RAPGEF1: variants seen among roughly 807,000 people sequenced by gnomAD.
RAPGEF1 encodes the protein Rap guanine nucleotide exchange factor 1, also known as CRK SH3-binding GNRP.
In RAPGEF1, 33 loss-of-function variants were observed where a neutral mutation model predicts 143.3. That is an observed-to-expected ratio of 0.23 (90% CI 0.17 to 0.31). The LOEUF is 0.31. Among genes scored for constraint, RAPGEF1 ranks in the 10% least tolerant of loss-of-function variants. The pLI, the probability that RAPGEF1 is intolerant of heterozygous loss-of-function variation, is 1.00. For synonymous variants in RAPGEF1, 629 were observed against 676.5 expected, an observed-to-expected ratio of 0.93 and a Z score of 1.09; for missense variants, 1,199 against 1,645.4, an observed-to-expected ratio of 0.73 and a Z score of 4.69.
Position 131,604,009 on chromosome 9 carries a change from A to AT in RAPGEF1, c.2363dup (p.Asn788LysfsTer46). 7.5e-7 allele frequency: 1 copy of AT among 1,341,848 alleles called. No homozygotes were observed. The highest frequency in any genetic ancestry group is 9.9e-7 in the Non-Finnish European group (1 of 1,008,146). 83.1% of individuals were successfully genotyped at this position (1,341,848 alleles called of 1,614,324 possible). A position where few individuals can be genotyped will look rare whatever the true frequency, so the allele number is the denominator to read the frequency against. On this transcript the variant is annotated frameshift_variant, in exon 14 of 27. Coordinates refer to ENST00000683357, the MANE Select transcript of RAPGEF1 (RefSeq NM_001377935.1). LOFTEE classifies it high-confidence loss of function. ...CGCTGCTCTGGCCAGAGGAATACAG[A>AT]TTGACATATTCACCCTCACCAGCTT...
At chr9:131,739,342 A>G (rs1837605580) in intron 1 of RAPGEF1, among the ~76,000 whole-genome samples, 1 of 152,208 alleles carries the variant, frequency 6.6e-6, no homozygotes, top group Non-Finnish European at 1.5e-5. Context: ...TTAAACTCGA[A>G]GCTCGTTAGA....
At chr9:131,587,700 C>T (rs1216704124) in intron 22 of RAPGEF1, 36 bp downstream of exon 22, 2 of 1,594,980 alleles carry the variant, frequency 1.3e-6, no homozygotes, top group Admixed American at 3.4e-5. Context: ...GTGCCACCAT[C>T]CAGAGCAACA....
chr9:131,619,116 G>C lies in RAPGEF1; in HGVS notation c.1996C>G (p.Gln666Glu), dbSNP rs779832283. 7 of 1,347,512 alleles carry C rather than the reference G, an allele frequency of 5.2e-6. No homozygotes were observed. The highest frequency in any genetic ancestry group is 6.9e-6 in the Non-Finnish European group (7 of 1,013,478). The allele number at this position is 1,347,512 out of a possible 1,614,324, so 83.5% of individuals were successfully genotyped here. Residue 666 changes from glutamine to glutamate, a missense_variant, in exon 12 of 27, where the codon CAG becomes GAG. By Grantham distance (29) the Gln-to-Glu change is conservative. This residue lies in a region of RAPGEF1 where 293 missense variants were observed against 356.2 expected (regional missense o/e 0.82). Transcript: ENST00000683357. ...AFTPEDGSAA[Q>E]GLSVSVSNSF... The stretch of plus-strand genomic sequence containing the variant: ...TTAGAGACGGACACACTGAGGCCCT[G>C]AGCGGCACTGCCGTCCTCGGGGGTG...
At chr9:131,594,559 G>C (rs898837542) in intron 17 of RAPGEF1, among the ~76,000 whole-genome samples, 6 of 152,196 alleles carry the variant, frequency 3.9e-5, no homozygotes, top group Non-Finnish European at 7.4e-5. Context: ...CGTGATGCTG[G>C]TGCAGTCTCT....
intron 21 of RAPGEF1, 24 bp downstream of exon 21, chr9:131,587,917 TC>T: frequency 1.2e-6 from 2 of 1,603,952 alleles, no homozygotes; most frequent in Non-Finnish European, 8.5e-7. Context: ...ACAGTGTGGC[TC>T]CCCCTGGCAG....
In RAPGEF1 at chr9:131,587,731, C is replaced by A. The variant is rs779166832; in HGVS notation, c.3233+5G>T. The A allele has an allele frequency of 6.2e-7, 1 of 1,612,470 alleles. No homozygotes were observed. Among genetic ancestry groups the A allele is most frequent in the Non-Finnish European group, 8.5e-7 (1 of 1,179,376 alleles). ...CAACAGGGCTTGGCGCTGGGCCTCT[C>A]TTACCAGTAGGACATGTTGTTGAAG... On this transcript the variant is annotated splice_donor_5th_base_variant and intron_variant, in intron 22 of 26. Transcript: ENST00000683357.
chr9:131,721,933 T>C (rs1448319599), intron 1 of RAPGEF1, among the ~76,000 whole-genome samples: 1 of 152,224 alleles, frequency 6.6e-6, no homozygotes, highest in Non-Finnish European at 1.5e-5. Flanking sequence ...GATTTTGGTA[T>C]CCACTGGGGG....
At chr9:131,654,732 C>A (rs1313220218) in intron 1 of RAPGEF1, among the ~76,000 whole-genome samples, 1 of 152,142 alleles carries the variant, frequency 6.6e-6, no homozygotes, top group African/African-American at 2.4e-5. Context: ...GAGGACTGTA[C>A]CTGTCTTGTT....
intron 11 of RAPGEF1, among the ~76,000 whole-genome samples, chr9:131,619,620 C>T (rs10901075): frequency 0.82 from 125,347 of 152,160 alleles, 51,762 homozygotes; most frequent in African/African-American, 0.83. Context: ...ATTTCTCACC[C>T]GTTTGGCCTT....
At chr9:131,635,896 A>T (rs1412953905) in intron 5 of RAPGEF1, among the ~76,000 whole-genome samples, 1 of 152,196 alleles carries the variant, frequency 6.6e-6, no homozygotes, top group Non-Finnish European at 1.5e-5. Context: ...CAGTGTACAA[A>T]AAGCACCCCA....
chr9:131,648,408 C>A (rs970736483), intron 3 of RAPGEF1, among the ~76,000 whole-genome samples: 3 of 151,682 alleles, frequency 2.0e-5, no homozygotes, highest in East Asian at 1.9e-4. Context: ...AACAAACAAA[C>A]AAAAAAACAA....
chr9:131,711,961 G>A (rs951263021), intron 1 of RAPGEF1, among the ~76,000 whole-genome samples: 1 of 152,130 alleles, frequency 6.6e-6, no homozygotes, highest in Non-Finnish European at 1.5e-5. Flanking sequence ...TCCAATTTAT[G>A]CAAAACAGAC....
At chr9:131,647,594 A>G (rs1052511538) in intron 3 of RAPGEF1, among the ~76,000 whole-genome samples, 1 of 152,228 alleles carries the variant, frequency 6.6e-6, no homozygotes, top group Non-Finnish European at 1.5e-5. Flanking sequence ...TGACAGACCC[A>G]CTGCAAGGTT....
intron 11 of RAPGEF1, among the ~76,000 whole-genome samples, chr9:131,619,947 G>A (rs191029255): frequency 3.3e-5 from 5 of 152,264 alleles, no homozygotes; most frequent in Admixed American, 1.3e-4. Context: ...GTTTCTAGCT[G>A]TGGGCTTGGA....
intron 1 of RAPGEF1, among the ~76,000 whole-genome samples, chr9:131,727,201 C>T (rs11243488): frequency 0.28 from 42,197 of 152,028 alleles, 6,370 homozygotes; most frequent in Non-Finnish European, 0.34. Context: ...AGGGCTCAGA[C>T]CTGACTGAAC....
chr9:131,626,838 C>T (rs1368705729), intron 9 of RAPGEF1, among the ~76,000 whole-genome samples: 3 of 152,300 alleles, frequency 2.0e-5, no homozygotes, highest in African/African-American at 2.4e-5. Context: ...CGGTGGCTCA[C>T]GCCTGTAATC....
chr9:131,649,200 ATTTTTTTT>A (rs55813422), intron 3 of RAPGEF1, among the ~76,000 whole-genome samples: 2,900 of 87,370 alleles, frequency 0.033, 98 homozygotes, highest in African/African-American at 0.12. Context: ...GCCTGGCTAA[ATTTTTTTT>A]TTTTTTTTTT....
At position 131,679,353 on chromosome 9, in the gene RAPGEF1, A is replaced by G. The variant is rs868378189; in HGVS notation, c.62-28404T>C. 7.9e-5 allele frequency among the ~76,000 whole-genome samples: 12 copies of G among 152,282 alleles called. No individual in the cohort carries two copies. In the South Asian group the frequency reaches 2.5e-3, roughly 32 times the overall value. On this transcript the variant is annotated intron_variant, in intron 1 of 26. Transcript: ENST00000683357. Reference sequence around the variant, plus strand: ...ATGCCCCTCTCTTCCACTATGACCAAGGAAACCTGTCAGTGCTACAAAAAG... The same window carrying G: ...ATGCCCCTCTCTTCCACTATGACCAGGGAAACCTGTCAGTGCTACAAAAAG...
At chr9:131,691,023 CA>C (rs1351730199) in intron 1 of RAPGEF1, among the ~76,000 whole-genome samples, 1 of 152,100 alleles carries the variant, frequency 6.6e-6, no homozygotes, top group Non-Finnish European at 1.5e-5. Flanking sequence ...TGTGTTTTAT[CA>C]AGACAATTTC....
Sources: allele counts gnomAD v4.1 joint callset (sites outside exome capture counted in the v4.1 genomes callset), GRCh38; gene constraint gnomAD v4.1.1; regional missense constraint gnomAD v4.1.1; transcripts MANE v1.5; gene names NCBI Gene and HGNC (gene_info 2026-07-23, HGNC 2026-07-21).